FBXO15: variants seen among roughly 807,000 people sequenced by gnomAD.
FBXO15 encodes the protein F-box protein 15.
Under a neutral mutation model 49.5 loss-of-function variants are expected in FBXO15, and 30 were observed. The observed-to-expected ratio is 0.61, with a 90% CI of 0.45 to 0.82. The LOEUF is 0.82. FBXO15 is among the 40% of genes least tolerant of loss of function. FBXO15 has a pLI of 0.00. For missense variants in FBXO15, 591 were observed against 631.5 expected, an observed-to-expected ratio of 0.94 and a Z score of 0.69; for synonymous variants, 250 against 232.7, an observed-to-expected ratio of 1.07 and a Z score of -0.68.
At chr18:74,088,918 C>T (rs1912877939) in intron 8 of FBXO15, among the ~76,000 whole-genome samples, 1 of 152,134 alleles carries the variant, frequency 6.6e-6, no homozygotes, top group Admixed American at 6.5e-5. Context: ...AAATAGATCT[C>T]ATAGAAGTCT....
chr18:74,126,848 G>A (rs369967993), intron 5 of FBXO15, among the ~76,000 whole-genome samples: 9 of 152,364 alleles, frequency 5.9e-5, no homozygotes, highest in Admixed American at 2.0e-4. Context: ...AACCAGATCC[G>A]CAGCTGCCAC....
intron 8 of FBXO15, among the ~76,000 whole-genome samples, chr18:74,094,621 T>A (rs1415086266): frequency 6.6e-6 from 1 of 152,220 alleles, no homozygotes; most frequent in Non-Finnish European, 1.5e-5. Context: ...TAAACCATGC[T>A]ATAAACAGAT....
At position 74,129,495 on chromosome 18, in the gene FBXO15, T is replaced by C. The variant is rs1237961685; in HGVS notation, c.695A>G (p.Lys232Arg). ...TGACAATGATGCTAGGCATGGCCAT[T>C]TTTTGCCATACCATATAACAGTAAC... ...TSVTVIWYGKKWPCLASLSTL... is the reference protein window; with the variant it reads ...TSVTVIWYGKRWPCLASLSTL... The change falls in exon 5 of 10, where the codon AAA becomes AGA. Residue 232 changes from lysine to arginine, a missense_variant. Transcript: ENST00000419743. 6.2e-7 allele frequency: 1 copy of C among 1,613,988 alleles called. No homozygotes were observed. The highest frequency in any genetic ancestry group is 2.2e-5 in the East Asian group (1 of 44,844).
At chr18:74,115,788 G>C (rs138407700) in intron 8 of FBXO15, among the ~76,000 whole-genome samples, 1 of 152,140 alleles carries the variant, frequency 6.6e-6, no homozygotes, top group Admixed American at 6.5e-5. Context: ...ATGAGTCTAA[G>C]ATTTATTAAA....
At chr18:74,107,885 A>G (rs371806053) in intron 8 of FBXO15, among the ~76,000 whole-genome samples, 3 of 152,190 alleles carry the variant, frequency 2.0e-5, no homozygotes, top group African/African-American at 7.2e-5. Context: ...TAGGGGAATT[A>G]TCAGAGCCTA....
rs5826303 is a variant in FBXO15, at chr18:74,135,884, G to GAA, written c.228-20_228-19dup. 5.0e-4 allele frequency: 758 copies of GAA among 1,510,014 alleles called. No homozygotes were observed. Among genetic ancestry groups the GAA allele is most frequent in the East Asian group, 1.6e-3 (64 of 41,280 alleles). The allele number at this position is 1,510,014 out of a possible 1,614,324, so 93.5% of individuals were successfully genotyped here. A position where few individuals can be genotyped will look rare whatever the true frequency, so the allele number is the denominator to read the frequency against. On this transcript the variant is annotated intron_variant, in intron 2 of 9. Transcript: ENST00000419743. Reference sequence around the variant, plus strand: ...AAGGCATTCTGCAAAAACAGAAAAAGAAAAAAAAAATCACCAGAGTGGACC... The same window carrying GAA: ...AAGGCATTCTGCAAAAACAGAAAAAGAAAAAAAAAAAATCACCAGAGTGGACC...
intron 8 of FBXO15, among the ~76,000 whole-genome samples, chr18:74,083,665 T>C (rs1332325755): frequency 1.3e-5 from 2 of 152,212 alleles, no homozygotes; most frequent in Non-Finnish European, 2.9e-5. Context: ...GAGACTGTTA[T>C]TTTGTTATTA....
At chr18:74,084,578 G>A (rs1406784686) in intron 8 of FBXO15, among the ~76,000 whole-genome samples, 1 of 152,216 alleles carries the variant, frequency 6.6e-6, no homozygotes, top group East Asian at 1.9e-4. Flanking sequence ...AGCAAGTATA[G>A]CCTTCATTAA....
At chr18:74,116,919 C>T (rs536433139) in intron 8 of FBXO15, among the ~76,000 whole-genome samples, 1 of 152,078 alleles carries the variant, frequency 6.6e-6, no homozygotes. Flanking sequence ...ACAGGTCTCT[C>T]GGAGGATGAA....
intron 8 of FBXO15, among the ~76,000 whole-genome samples, chr18:74,085,018 T>C (rs960270270): frequency 6.6e-6 from 1 of 152,114 alleles, no homozygotes; most frequent in Non-Finnish European, 1.5e-5. Context: ...AGATGTGCCA[T>C]GTTTGTAGAC....
At chr18:74,125,149 T>C (rs80278728) in intron 6 of FBXO15, among the ~76,000 whole-genome samples, 8,417 of 152,250 alleles carry the variant, frequency 0.055, 344 homozygotes, top group Non-Finnish European at 0.085. Context: ...AATTTGAAGG[T>C]GCCACTCTCC....
chr18:74,106,502 G>A (rs1342556667), intron 8 of FBXO15, among the ~76,000 whole-genome samples: 1 of 152,060 alleles, frequency 6.6e-6, no homozygotes, highest in African/African-American at 2.4e-5. Context: ...ACAGCACCAA[G>A]CACATGTGAA....
At chr18:74,140,543 G>A in intron 1 of FBXO15, among the ~76,000 whole-genome samples, 1 of 151,510 alleles carries the variant, frequency 6.6e-6, no homozygotes, top group Non-Finnish European at 1.5e-5. Context: ...AGGAAGAAAG[G>A]CAGGGAGAAG....
chr18:74,090,024 T>C (rs542611954), intron 8 of FBXO15, among the ~76,000 whole-genome samples: 13 of 152,282 alleles, frequency 8.5e-5, no homozygotes, highest in African/African-American at 3.1e-4. Flanking sequence ...TGGTAGAATT[T>C]GGCTGTGAGT....
intron 8 of FBXO15, among the ~76,000 whole-genome samples, chr18:74,093,067 T>C (rs1334045118): frequency 6.6e-6 from 1 of 151,954 alleles, no homozygotes; most frequent in Non-Finnish European, 1.5e-5. Flanking sequence ...CCAGCAGAAG[T>C]GGCAACACAG....
At chr18:74,131,498 A>G (rs1978389482) in intron 3 of FBXO15, among the ~76,000 whole-genome samples, 2 of 152,244 alleles carry the variant, frequency 1.3e-5, no homozygotes, top group Non-Finnish European at 2.9e-5. Flanking sequence ...CCCCAAATTC[A>G]GAGAGCCAAT....
chr18:74,130,693 A>G, intron 3 of FBXO15, 35 bp from the exon 4 acceptor site: 1 of 1,590,646 alleles, frequency 6.3e-7, no homozygotes, highest in Non-Finnish European at 8.6e-7. Context: ...TAACTAAGAG[A>G]CACTGTCACC....
intron 8 of FBXO15, among the ~76,000 whole-genome samples, chr18:74,102,873 CAT>C (rs1384609228): frequency 6.6e-6 from 1 of 152,042 alleles, no homozygotes; most frequent in African/African-American, 2.4e-5. Flanking sequence ...CCAAACATCA[CAT>C]GTTTTCACTC....
rs369180481 is a variant in FBXO15 at position 74,119,915 on chromosome 18, C to T, written c.1138+3453G>A. On this transcript the variant is annotated intron_variant, in intron 8 of 9. Coordinates refer to ENST00000419743, the MANE Select transcript of FBXO15 (RefSeq NM_001142958.2). ...GGACCAGGCAGCCATCTCACCTCATCTCTGTGGAAATCGCATCTTGTTCCC... is the reference window on the plus strand; with the variant it reads ...GGACCAGGCAGCCATCTCACCTCATTTCTGTGGAAATCGCATCTTGTTCCC... Among the ~76,000 whole-genome samples the T allele has an allele frequency of 4.6e-5, 7 of 152,310 alleles. No individual in the cohort carries two copies. In the South Asian group the frequency reaches 1.0e-3, roughly 23 times the overall value.
Sources: allele counts gnomAD v4.1 joint callset (sites outside exome capture counted in the v4.1 genomes callset), GRCh38; gene constraint gnomAD v4.1.1; transcripts MANE v1.5; gene names NCBI Gene and HGNC (gene_info 2026-07-23, HGNC 2026-07-21).